Variants in BTD observed in about 807,000 individuals in gnomAD.
BTD encodes biotinidase, also known as biocytinase.
Under a neutral mutation model 17.7 loss-of-function variants are expected in BTD, and 13 were observed. That is an observed-to-expected ratio of 0.74 (90% CI 0.48 to 1.17). BTD has a LOEUF of 1.17. BTD is among the 50% of genes most tolerant of loss of function. The pLI is 0.00. For missense variants in BTD, 674 were observed against 650.4 expected (o/e 1.04, Z -0.39); for synonymous variants, 240 against 245.2 (o/e 0.98, Z 0.20).
In BTD at chr3:15,646,402, G is replaced by A. The variant is rs957449649; in HGVS notation, c.*914G>A. ...CTATAGAGGATCTCGTTGCTTTGCAGCGATGCCTGGCACCCCATAGAGATA... is the reference window on the plus strand; with the variant it reads ...CTATAGAGGATCTCGTTGCTTTGCAACGATGCCTGGCACCCCATAGAGATA... On this transcript the variant is annotated 3_prime_UTR_variant, in exon 4 of 4. Coordinates refer to ENST00000643237, the MANE Select transcript of BTD (RefSeq NM_001370658.1). 1.3e-5 allele frequency: 2 copies of A among 152,250 alleles called. No individual in the cohort carries two copies. The highest frequency in any genetic ancestry group is 4.8e-5 in the African/African-American group (2 of 41,462). 9.4% of individuals were successfully genotyped at this position (152,250 alleles called of 1,614,324 possible).
chr3:15,706,171 ACGTTGGTGTGCTG>A (rs1357554841), intron 3 of BTD, among the ~76,000 whole-genome samples: 1 of 151,964 alleles, frequency 6.6e-6, no homozygotes, highest in Non-Finnish European at 1.5e-5. Flanking sequence ...TACATGTGCC[ACGTTGGTGTGCTG>A]CACCCATTAA....
In BTD at chr3:15,646,020, G is replaced by A. The variant is rs895768089; in HGVS notation, c.*532G>A. ...AACTCTAGCCAGATGAAATGGCAATGCTAGCGCCACCAGCAACGTCAGAAA... is the reference window on the plus strand; with the variant it reads ...AACTCTAGCCAGATGAAATGGCAATACTAGCGCCACCAGCAACGTCAGAAA... On this transcript the variant is annotated 3_prime_UTR_variant, in exon 4 of 4. Transcript: ENST00000643237. 1 of 152,610 alleles carries A rather than the reference G, an allele frequency of 6.6e-6. No homozygotes were observed. Among genetic ancestry groups the A allele is most frequent in the African/African-American group, 2.4e-5 (1 of 41,422 alleles). 9.5% of individuals were successfully genotyped at this position (152,610 alleles called of 1,614,324 possible). A position where few individuals can be genotyped will look rare whatever the true frequency, so the allele number is the denominator to read the frequency against.
downstream of BTD, among the ~76,000 whole-genome samples, chr3:15,715,033 G>A (rs553576386): frequency 1.2e-4 from 18 of 151,972 alleles, 1 homozygote; most frequent in South Asian, 3.7e-3. Context: ...ATTTTGTGTG[G>A]ATACATTTAA....
rs187431261 is a variant in BTD at position 15,652,834 on chromosome 3, G to C, written c.*7346G>C. Among the ~76,000 whole-genome samples, 5 of 152,084 alleles carry C rather than the reference G, an allele frequency of 3.3e-5. No homozygotes were observed. Among genetic ancestry groups the C allele is most frequent in the African/African-American group, 1.2e-4 (5 of 41,408 alleles). ...CAAGTGCTATTAGTGGCTATTATTT[G>C]TTGGGTTACACAAAGCCAGAAATCA... On this transcript the variant is annotated 3_prime_UTR_variant, in exon 4 of 4. Coordinates refer to ENST00000643237, the MANE Select transcript of BTD (RefSeq NM_001370658.1).
chr3:15,711,219 T>G (rs546198501), exon 4 of BTD: 1 of 1,612,166 alleles, frequency 6.2e-7, no homozygotes, highest in African/African-American at 1.3e-5. Flanking sequence ...ACCCTCCAGC[T>G]GCAGCTGCAT....
At chr3:15,709,652 C>A in intron 3 of BTD, 2 of 1,548,358 alleles carry the variant, frequency 1.3e-6, no homozygotes, top group East Asian at 2.3e-5. Flanking sequence ...CATAAAGAAA[C>A]TGTATCATAC....
At chr3:15,661,179 T>C (rs1366772293) in intron 3 of BTD, among the ~76,000 whole-genome samples, 4 of 143,414 alleles carry the variant, frequency 2.8e-5, no homozygotes, top group African/African-American at 1.1e-4. Flanking sequence ...GGCAGGAGAA[T>C]CACTTGAACC....
chr3:15,684,832 A>C (rs977964712), intron 3 of BTD: 2 of 169,620 alleles, frequency 1.2e-5, no homozygotes, highest in African/African-American at 4.8e-5. Context: ...TAAGGATCTA[A>C]GAAAAACTTC....
chr3:15,619,873 C>T (rs957861540), intron 1 of BTD, among the ~76,000 whole-genome samples: 9 of 152,212 alleles, frequency 5.9e-5, no homozygotes, highest in Admixed American at 2.0e-4. Flanking sequence ...TGATGCCTGC[C>T]TGAGTCTCAG....
chr3:15,713,427 G>GA (rs1250538768), downstream of BTD: 3 of 865,192 alleles, frequency 3.5e-6, no homozygotes, highest in African/African-American at 5.3e-5. Context: ...ACAACATTGA[G>GA]GATAAAATCC....
intron 3 of BTD, chr3:15,696,068 C>A: frequency 9.1e-7 from 1 of 1,102,774 alleles, no homozygotes; most frequent in South Asian, 1.5e-5. Context: ...CATTTATTCT[C>A]ATTTTTGTTA....
At position 15,649,834 on chromosome 3, in the gene BTD, G is replaced by A. The variant is rs939453905; in HGVS notation, c.*4346G>A. On this transcript the variant is annotated 3_prime_UTR_variant, in exon 4 of 4. Transcript: ENST00000643237. ...ACTATTTATCTGAGTTCCCTCTGCC[G>A]GAACATGAGCCATGCCTAGAGTAGC... Among the ~76,000 whole-genome samples the A allele has an allele frequency of 2.0e-5, 3 of 152,136 alleles. No homozygotes were observed. Among genetic ancestry groups the A allele is most frequent in the Admixed American group, 6.6e-5 (1 of 15,260 alleles).
intron 1 of BTD, chr3:15,606,949 T>TG (rs1553647920): frequency 2.2e-5 from 3 of 136,818 alleles, no homozygotes; most frequent in Non-Finnish European, 4.7e-5. Flanking sequence ...TTGTTGTTTT[T>TG]GGTTTTTTTT....
chr3:15,672,709 G>A (rs2066498895), intron 3 of BTD, among the ~76,000 whole-genome samples: 1 of 152,134 alleles, frequency 6.6e-6, no homozygotes, highest in East Asian at 1.9e-4. Context: ...AGCGGGAGTG[G>A]GGAAAGAAGC....
At chr3:15,709,616 T>C in intron 3 of BTD, 1 of 1,279,026 alleles carries the variant, frequency 7.8e-7, no homozygotes, top group East Asian at 2.5e-5. Context: ...AGAAGGTCAA[T>C]CAAGTTATTA....
chr3:15,634,240 T>G (rs908815640), intron 1 of BTD, among the ~76,000 whole-genome samples: 1 of 152,236 alleles, frequency 6.6e-6, no homozygotes, highest in Non-Finnish European at 1.5e-5. Flanking sequence ...ACAGGAGTTA[T>G]GAGTTGAGAC....
chr3:15,603,710 A>G (rs2064353385), intron 1 of BTD, among the ~76,000 whole-genome samples: 1 of 152,106 alleles, frequency 6.6e-6, no homozygotes, highest in Admixed American at 6.5e-5. Context: ...CAAGATAGTT[A>G]CTTCCTAGAT....
At chr3:15,641,795 G>GC (rs2065516474) in intron 2 of BTD, 113 bp from the exon 3 acceptor site, 1 of 812,116 alleles carries the variant, frequency 1.2e-6, no homozygotes, top group Non-Finnish European at 2.1e-6. Flanking sequence ...TCTGGTTCCT[G>GC]CTACAGAGTA....
Position 15,649,291 on chromosome 3 carries a change from A to C in BTD, c.*3803A>C, listed in dbSNP as rs1234872236. ...CCTGAAGCAAATGATCCAAGAGAGCACAGGTGGAGCCATGATGTCTTTTAT... is the reference window on the plus strand; with the variant it reads ...CCTGAAGCAAATGATCCAAGAGAGCCCAGGTGGAGCCATGATGTCTTTTAT... On this transcript the variant is annotated 3_prime_UTR_variant, in exon 4 of 4. Transcript: ENST00000643237. 1.3e-5 allele frequency among the ~76,000 whole-genome samples: 2 copies of C among 152,226 alleles called. No individual in the cohort carries two copies. The highest frequency in any genetic ancestry group is 4.8e-5 in the African/African-American group (2 of 41,446).
Sources: allele counts gnomAD v4.1 joint callset (sites outside exome capture counted in the v4.1 genomes callset), GRCh38; gene constraint gnomAD v4.1.1; transcripts MANE v1.5; gene names NCBI Gene and HGNC (gene_info 2026-07-23, HGNC 2026-07-21).